The following CPED1 variants were observed in gnomAD, a reference collection of about 807,000 sequenced individuals.
CPED1 encodes cadherin-like and PC-esterase domain-containing protein 1.
A neutral mutation model predicts 128.2 loss-of-function variants in CPED1; 114 were observed. That is an observed-to-expected ratio of 0.89 (90% CI 0.76 to 1.04). The LOEUF is 1.04. Among genes scored for constraint, CPED1 ranks in the 50% least tolerant of loss-of-function variants. The probability of loss-of-function intolerance (pLI) is 0.00; values close to 1 mark genes in which losing one functional copy is unlikely to be tolerated. For missense variants in CPED1, 1,211 were observed against 1,207.1 expected (o/e 1.00, Z -0.05); for synonymous variants, 462 against 426.7 (o/e 1.08, Z -1.02).
At chr7:121,278,543 T>C (rs1792375021) in intron 22 of CPED1, among the ~76,000 whole-genome samples, 1 of 152,214 alleles carries the variant, frequency 6.6e-6, no homozygotes, top group African/African-American at 2.4e-5. Context: ...CACAGATTCC[T>C]ACACTCCTTT....
intron 18 of CPED1, among the ~76,000 whole-genome samples, chr7:121,246,852 C>CAGTT (rs1352309269): frequency 4.6e-5 from 7 of 152,140 alleles, no homozygotes; most frequent in Admixed American, 2.0e-4. Context: ...TTCAGAAGAC[C>CAGTT]AGTTAGCTTG....
chr7:121,077,724 A>G (rs1794168156), intron 5 of CPED1, among the ~76,000 whole-genome samples: 2 of 151,300 alleles, frequency 1.3e-5, no homozygotes, highest in South Asian at 4.1e-4. Context: ...TTTAAAATGT[A>G]TATTAACAAT....
intron 5 of CPED1, among the ~76,000 whole-genome samples, chr7:121,086,468 A>T (rs944348599): frequency 2.6e-5 from 4 of 152,246 alleles, no homozygotes; most frequent in African/African-American, 9.6e-5. Context: ...TCAATTATGT[A>T]GAATATGGCT....
At chr7:121,042,489 T>C (rs1793084137) in intron 3 of CPED1, among the ~76,000 whole-genome samples, 1 of 152,116 alleles carries the variant, frequency 6.6e-6, no homozygotes, top group Non-Finnish European at 1.5e-5. Flanking sequence ...CTCCACAGGG[T>C]TGTTGGAAAT....
chr7:121,065,766 C>T (rs893604027), intron 5 of CPED1, among the ~76,000 whole-genome samples: 12 of 151,974 alleles, frequency 7.9e-5, no homozygotes, highest in African/African-American at 2.7e-4. Context: ...TTTTTATTCT[C>T]GAGAACATCT....
At chr7:121,228,077 G>A (rs1425116436) in intron 16 of CPED1, among the ~76,000 whole-genome samples, 1 of 151,998 alleles carries the variant, frequency 6.6e-6, no homozygotes, top group Non-Finnish European at 1.5e-5. Context: ...AAGGTCTCCT[G>A]GACATTGGTT....
intron 18 of CPED1, chr7:121,261,835 C>A (rs961661211): frequency 2.1e-6 from 2 of 952,886 alleles, no homozygotes; most frequent in Non-Finnish European, 3.2e-6. Context: ...CAGTGCTTAG[C>A]TTATCTCACC....
At chr7:121,004,460 G>A (rs955922960) in intron 2 of CPED1, among the ~76,000 whole-genome samples, 3 of 152,160 alleles carry the variant, frequency 2.0e-5, no homozygotes, top group African/African-American at 4.8e-5. Context: ...GGACATGTTT[G>A]CTCTGTGCCA....
At chr7:121,111,345 A>G (rs10230185) in intron 7 of CPED1, among the ~76,000 whole-genome samples, 1 of 152,134 alleles carries the variant, frequency 6.6e-6, no homozygotes, top group Non-Finnish European at 1.5e-5. Flanking sequence ...TTCTAAATGA[A>G]TAGAAGAATA....
At chr7:120,995,972 T>TC (rs1796396582) in intron 2 of CPED1, among the ~76,000 whole-genome samples, 9 of 123,012 alleles carry the variant, frequency 7.3e-5, no homozygotes, top group Admixed American at 1.5e-4. Flanking sequence ...TCCTCCTCCT[T>TC]CTTCTTCTTC....
At chr7:121,164,874 G>A (rs1796488983) in intron 16 of CPED1, among the ~76,000 whole-genome samples, 2 of 152,286 alleles carry the variant, frequency 1.3e-5, no homozygotes, top group South Asian at 4.1e-4. Context: ...ACACCTTTTA[G>A]TGGTACTTCC....
At chr7:121,196,907 A>G (rs1246433958) in intron 16 of CPED1, among the ~76,000 whole-genome samples, 1 of 152,042 alleles carries the variant, frequency 6.6e-6, no homozygotes, top group Non-Finnish European at 1.5e-5. Context: ...CTGGAAAGTT[A>G]AAAAACACCA....
intron 18 of CPED1, among the ~76,000 whole-genome samples, chr7:121,259,399 C>T (rs1037446870): frequency 1.3e-5 from 2 of 151,950 alleles, no homozygotes; most frequent in East Asian, 1.9e-4. Context: ...ATATAGGACA[C>T]TTTTGAACTC....
intron 3 of CPED1, among the ~76,000 whole-genome samples, chr7:121,018,660 C>T (rs921262967): frequency 6.6e-6 from 1 of 152,030 alleles, no homozygotes; most frequent in Non-Finnish European, 1.5e-5. Flanking sequence ...CTCTATTTCA[C>T]CTATTTCACC....
chr7:121,064,378 A>C (rs1445844587), intron 5 of CPED1, 65 bp downstream of exon 5: 4 of 1,111,936 alleles, frequency 3.6e-6, no homozygotes, highest in Non-Finnish European at 5.5e-6. Context: ...TAGCAGAAGC[A>C]GCTAACATGG....
rs1792830954 is a variant in CPED1, at chr7:121,296,730, G to C, written c.*1078G>C. On this transcript the variant is annotated 3_prime_UTR_variant, in exon 23 of 23. Coordinates refer to ENST00000310396, the MANE Select transcript of CPED1 (RefSeq NM_024913.5). Reference sequence around the variant, plus strand: ...ATAATACATACCTAATTATAGTAGTGAGAACTATTTCTTTTATCTCTTTAG... The same window carrying C: ...ATAATACATACCTAATTATAGTAGTCAGAACTATTTCTTTTATCTCTTTAG... 1.3e-5 allele frequency: 2 copies of C among 152,082 alleles called. No homozygotes were observed. The highest frequency in any genetic ancestry group is 2.9e-5 in the Non-Finnish European group (2 of 67,936). The allele number at this position is 152,082 out of a possible 1,614,324, so 9.4% of individuals were successfully genotyped here. A position where few individuals can be genotyped will look rare whatever the true frequency, so the allele number is the denominator to read the frequency against.
intron 16 of CPED1, among the ~76,000 whole-genome samples, chr7:121,162,440 T>A (rs1796431191): frequency 6.6e-6 from 1 of 152,218 alleles, no homozygotes; most frequent in South Asian, 2.1e-4. Flanking sequence ...ACAGAGAACA[T>A]CAGTTCATGT....
At position 121,210,234 on chromosome 7, in the gene CPED1, A is replaced by G. The variant is rs181559711; in HGVS notation, c.2056-26480A>G. On this transcript the variant is annotated intron_variant, in intron 16 of 22. Transcript: ENST00000310396. ...GGGAATGTAAATTAGTACAATCACT[A>G]TAGAGAACAGTATGGAGGTTCTTCA... Among the ~76,000 whole-genome samples the G allele has an allele frequency of 4.2e-3, 637 of 152,118 alleles. 7 individuals are homozygous for G. The highest frequency in any genetic ancestry group is 6.3e-3 in the Non-Finnish European group (428 of 67,930).
intron 22 of CPED1, among the ~76,000 whole-genome samples, chr7:121,283,505 A>G (rs947089967): frequency 3.9e-5 from 6 of 152,214 alleles, no homozygotes; most frequent in South Asian, 2.1e-4. Context: ...GCTAAGCTCT[A>G]TGTTTAGATT....
Sources: gnomAD v4.1 joint callset for allele counts (sites outside exome capture counted in the v4.1 genomes callset) on GRCh38, gnomAD v4.1.1 for gene constraint, MANE v1.5 for transcripts, NCBI Gene and HGNC (gene_info 2026-07-23, HGNC 2026-07-21) for gene names.